Variants in SORBS2 observed in about 807,000 individuals in gnomAD.
The protein encoded by SORBS2 is sorbin and SH3 domain containing 2.
SORBS2 carries 46 observed loss-of-function variants against 97.7 expected under a neutral mutation model. The observed-to-expected ratio is 0.47, with a 90% CI of 0.37 to 0.60. The LOEUF (loss-of-function observed/expected upper bound fraction) is 0.60, where lower values mean the gene tolerates loss of function less well. SORBS2 is among the 20% of genes least tolerant of loss of function. The pLI is 0.00. For missense variants in SORBS2, 1,316 were observed against 1,282.3 expected (o/e 1.03, Z -0.40); for synonymous variants, 476 against 473.4 (o/e 1.01, Z -0.07).
At chr4:185,602,409 T>C (rs2096284451) in intron 12 of SORBS2, among the ~76,000 whole-genome samples, 1 of 152,244 alleles carries the variant, frequency 6.6e-6, no homozygotes, top group African/African-American at 2.4e-5. Flanking sequence ...TAAACATAAT[T>C]TATGTATCTT....
intron 1 of SORBS2, among the ~76,000 whole-genome samples, chr4:185,822,907 C>G (rs914058398): frequency 6.6e-6 from 1 of 152,188 alleles, no homozygotes; most frequent in African/African-American, 2.4e-5. Context: ...AATAAAAACT[C>G]GAGACCCCAA....
At chr4:185,657,598 T>A (rs763691591), upstream of SORBS2, 2 of 1,586,164 alleles carry the variant, frequency 1.3e-6, no homozygotes, top group South Asian at 2.3e-5. Context: ...CTGTGGAATC[T>A]GCACAGAAAA....
chr4:185,645,824 A>C (rs530927001), intron 4 of SORBS2: 2 of 152,306 alleles, frequency 1.3e-5, no homozygotes, highest in South Asian at 4.1e-4. Flanking sequence ...TTCAAAGAAA[A>C]TCCTGAGGAC....
chr4:185,890,870 G>T (rs1361749491), intron 1 of SORBS2, among the ~76,000 whole-genome samples: 8 of 152,156 alleles, frequency 5.3e-5, no homozygotes, highest in African/African-American at 1.9e-4. Flanking sequence ...CTTTTTAAGG[G>T]TAGGACAAAA....
At chr4:185,824,509 A>G (rs138491503) in intron 1 of SORBS2, among the ~76,000 whole-genome samples, 19 of 152,310 alleles carry the variant, frequency 1.2e-4, no homozygotes, top group African/African-American at 4.6e-4. Flanking sequence ...AATTCAACCC[A>G]TAACAGTTAT....
intron 1 of SORBS2, among the ~76,000 whole-genome samples, chr4:185,654,539 G>A (rs981280677): frequency 6.6e-6 from 1 of 152,136 alleles, no homozygotes; most frequent in African/African-American, 2.4e-5. Flanking sequence ...GATGCCATCT[G>A]CTAGCTTTAT....
At chr4:185,923,587 C>T (rs1357717777) in intron 1 of SORBS2, among the ~76,000 whole-genome samples, 1 of 150,004 alleles carries the variant, frequency 6.7e-6, no homozygotes, top group Non-Finnish European at 1.5e-5. Context: ...TTGTGAACCA[C>T]CGTGCCTGGC....
At chr4:185,656,709 G>A in exon 1 of SORBS2, 1 of 1,547,674 alleles carries the variant, frequency 6.5e-7, no homozygotes, top group Admixed American at 2.0e-5. Context: ...GCCAGCTGCT[G>A]CCTGCCCAGG....
chr4:185,871,162 C>A (rs1163894593), intron 1 of SORBS2, among the ~76,000 whole-genome samples: 1 of 152,154 alleles, frequency 6.6e-6, no homozygotes, highest in Non-Finnish European at 1.5e-5. Flanking sequence ...AGGCACTTGA[C>A]AAATATATTT....
intron 2 of SORBS2, among the ~76,000 whole-genome samples, chr4:185,693,422 C>T (rs1484296347): frequency 6.6e-6 from 1 of 151,978 alleles, no homozygotes; most frequent in East Asian, 1.9e-4. Flanking sequence ...TTTAATCTCT[C>T]GGTAGCTCTT....
chr4:185,638,957 C>A, intron 4 of SORBS2: 1 of 1,522,840 alleles, frequency 6.6e-7, no homozygotes, highest in South Asian at 1.2e-5. Flanking sequence ...CTACCAGTGA[C>A]TTCTCCGAGT....
chr4:185,620,878 T>C (rs758493363), intron 7 of SORBS2, among the ~76,000 whole-genome samples: 8 of 152,230 alleles, frequency 5.3e-5, no homozygotes, highest in Non-Finnish European at 1.2e-4. Flanking sequence ...AGTTGCCAAA[T>C]TGCTTATGAA....
intron 2 of SORBS2, among the ~76,000 whole-genome samples, chr4:185,748,193 T>C (rs1326217596): frequency 6.6e-6 from 1 of 152,126 alleles, no homozygotes; most frequent in Non-Finnish European, 1.5e-5. Flanking sequence ...AGCTGTACCA[T>C]ATCTGGGCAC....
chr4:185,594,105 AT>A (rs2096025993), intron 12 of SORBS2, 170 bp from the exon 25 acceptor site: 4 of 578,482 alleles, frequency 6.9e-6, no homozygotes, highest in East Asian at 2.9e-5. Context: ...TAATTAAAAT[AT>A]TTAAAGGGAG....
At chr4:185,801,666 ATCTCTCTCTC>A (rs59944716) in intron 1 of SORBS2, among the ~76,000 whole-genome samples, 2 of 98,210 alleles carry the variant, frequency 2.0e-5, no homozygotes. Context: ...TAACTGAATC[ATCTCTCTCTC>A]TCTCTCTCTC....
At chr4:185,722,211 C>G (rs2098520581) in intron 2 of SORBS2, among the ~76,000 whole-genome samples, 1 of 152,128 alleles carries the variant, frequency 6.6e-6, no homozygotes, top group Non-Finnish European at 1.5e-5. Context: ...TCTATCTTTC[C>G]AGAGAACAGT....
intron 1 of SORBS2, among the ~76,000 whole-genome samples, chr4:185,886,112 A>G (rs1376165973): frequency 6.6e-6 from 1 of 152,216 alleles, no homozygotes; most frequent in African/African-American, 2.4e-5. Flanking sequence ...GCGATTGGGG[A>G]AAACGATGGA....
intron 1 of SORBS2, among the ~76,000 whole-genome samples, chr4:185,851,436 A>G (rs2099217834): frequency 6.6e-6 from 1 of 152,192 alleles, no homozygotes; most frequent in Non-Finnish European, 1.5e-5. Flanking sequence ...GGTCATCTCT[A>G]TGAGACAGGA....
chr4:185,788,897 C>G (rs1051490118), intron 1 of SORBS2, among the ~76,000 whole-genome samples: 1 of 152,218 alleles, frequency 6.6e-6, no homozygotes, highest in Non-Finnish European at 1.5e-5. Context: ...AACAGTTGCA[C>G]ACATTTGAAC....
Sources: allele counts gnomAD v4.1 joint callset (sites outside exome capture counted in the v4.1 genomes callset), GRCh38; gene constraint gnomAD v4.1.1; transcripts MANE v1.5; gene names NCBI Gene and HGNC (gene_info 2026-07-23, HGNC 2026-07-21).